The following PLA2G4D variants were observed in gnomAD, a reference collection of about 807,000 sequenced individuals.
PLA2G4D encodes phospholipase A2 group IVD.
PLA2G4D carries 80 observed loss-of-function variants against 94.4 expected under a neutral mutation model. The ratio of observed to expected loss-of-function variants is 0.85; its 90% CI spans 0.71 to 1.02. The LOEUF (loss-of-function observed/expected upper bound fraction) is 1.02. Ranked by LOEUF, PLA2G4D falls within the 50% of genes least tolerant of loss-of-function variation. PLA2G4D has a pLI of 0.00. For missense variants in PLA2G4D, 1,050 were observed against 1,034.7 expected (o/e 1.01, Z -0.20); for synonymous variants, 438 against 440.9 (o/e 0.99, Z 0.08).
At chr15:42,092,115 G>A (rs551552614) in intron 1 of PLA2G4D, among the ~76,000 whole-genome samples, 21 of 152,040 alleles carry the variant, frequency 1.4e-4, no homozygotes, top group Admixed American at 5.2e-4. Context: ...CACCGCACAC[G>A]GGGAGAGACC....
chr15:42,070,630 G>T, intron 18 of PLA2G4D, 87 bp downstream of exon 18: 2 of 1,422,794 alleles, frequency 1.4e-6, no homozygotes, highest in African/African-American at 1.4e-5. Flanking sequence ...CCCCGGCGGT[G>T]TGGGGCAGGG....
chr15:42,079,316 C>G (rs7173686), intron 13 of PLA2G4D, among the ~76,000 whole-genome samples: 13,567 of 152,332 alleles, frequency 0.089, 700 homozygotes, highest in Middle Eastern at 0.13. Flanking sequence ...TTGACATCGA[C>G]TCATTCCCAG....
chr15:42,075,476 T>G (rs986416377), intron 13 of PLA2G4D, among the ~76,000 whole-genome samples: 3 of 152,232 alleles, frequency 2.0e-5, no homozygotes, highest in Non-Finnish European at 4.4e-5. Flanking sequence ...ACATAGCACA[T>G]AGTAATAAAA....
intron 8 of PLA2G4D, among the ~76,000 whole-genome samples, chr15:42,082,839 G>A (rs1288024115): frequency 1.3e-5 from 2 of 152,162 alleles, no homozygotes; most frequent in African/African-American, 4.8e-5. Flanking sequence ...AAATGAGAGA[G>A]GAGACAAGGA....
Position 42,072,290 on chromosome 15 carries a change from T to G in PLA2G4D, c.1420A>C (p.Thr474Pro). ...SLNVKENNLETLDFKEWVEFS... is the reference protein window; with the variant it reads ...SLNVKENNLEPLDFKEWVEFS... ...AGAACTGTACCCTTGAAGTCCAGTG[T>G]CTCCAGATTGTTCTCTTTGACATTG... The change falls in exon 14 of 20, where the codon ACA (threonine) becomes CCA (proline). Residue 474 changes from threonine (T) to proline (P), a missense_variant. Coordinates refer to ENST00000290472, the MANE Select transcript of PLA2G4D (RefSeq NM_178034.4). 6.2e-7 allele frequency: 1 copy of G among 1,613,816 alleles called. No individual in the cohort carries two copies. Among genetic ancestry groups the G allele is most frequent in the Non-Finnish European group, 8.5e-7 (1 of 1,179,894 alleles).
At chr15:42,073,174 T>A (rs1416883829) in intron 13 of PLA2G4D, among the ~76,000 whole-genome samples, 1 of 152,140 alleles carries the variant, frequency 6.6e-6, no homozygotes, top group East Asian at 1.9e-4. Context: ...AATTTTTGCA[T>A]GTTTTGTAGA....
At position 42,068,917 on chromosome 15, in the gene PLA2G4D, AG is replaced by A. The variant is rs1426786780; in HGVS notation, c.2254del (p.Leu752SerfsTer20). 1 of 1,612,236 alleles carries A rather than the reference AG, an allele frequency of 6.2e-7. No individual in the cohort carries two copies. Among genetic ancestry groups the A allele is most frequent in the South Asian group, 1.1e-5 (1 of 90,848 alleles). ...APGVQRSPAE[L>X]QGGQVDLTGA... ...GGTGAGATCCACTTGGCCACCCTGG[AG>A]CTCTGCGGGGCTGCGCTGGACACCT... is the stretch of plus-strand genomic sequence containing the variant. On this transcript the variant is annotated frameshift_variant, in exon 20 of 20. Coordinates refer to ENST00000290472, the MANE Select transcript of PLA2G4D (RefSeq NM_178034.4). LOFTEE classifies it low-confidence loss of function (END_TRUNC).
chr15:42,086,087 G>A lies in PLA2G4D; in HGVS notation c.387+126C>T. ...TTATTAAAATGCAAATCTAAAAAGG[G>A]GTTTAGATTTTTCTGTGAATGAGTT... On this transcript the variant is annotated intron_variant, in intron 4 of 19. Transcript: ENST00000290472. 2.9e-6 allele frequency: 3 copies of A among 1,025,872 alleles called. No homozygotes were observed. In the East Asian group the frequency reaches 7.8e-5, roughly 27 times the overall value. 63.5% of individuals were successfully genotyped at this position (1,025,872 alleles called of 1,614,324 possible).
At chr15:42,081,867 C>A (rs772406679) in intron 9 of PLA2G4D, 33 bp from the exon 10 acceptor site, 3 of 1,613,874 alleles carry the variant, frequency 1.9e-6, no homozygotes, top group Admixed American at 3.3e-5. Flanking sequence ...TGCTCAGACC[C>A]TCCTAGACCC....
At chr15:42,081,756 G>A (rs1289807333) in intron 10 of PLA2G4D, 41 bp downstream of exon 10, 8 of 1,613,782 alleles carry the variant, frequency 5.0e-6, no homozygotes, top group Non-Finnish European at 6.8e-6. Flanking sequence ...CCTCCTGCAT[G>A]CCCGCCTCTC....
intron 18 of PLA2G4D, chr15:42,070,310 G>A: frequency 1.9e-6 from 1 of 539,658 alleles, no homozygotes; most frequent in Non-Finnish European, 3.2e-6. Context: ...GCTCTAGGTG[G>A]GGTCAGACCC....
Position 42,081,528 on chromosome 15 carries a change from T to C in PLA2G4D, c.908A>G (p.Lys303Arg), listed in dbSNP as rs566141126. The C allele has an allele frequency of 2.4e-5, 38 of 1,614,226 alleles. No homozygotes were observed. The South Asian group carries it at 3.8e-4, about 16-fold the overall frequency. The change falls in exon 11 of 20, where the codon AAG becomes AGG. Residue 303 changes from lysine (K) to arginine (R), a missense_variant. Coordinates refer to ENST00000290472, the MANE Select transcript of PLA2G4D (RefSeq NM_178034.4). ...FLSRRKQVVA[K>R]ALKQALQLDR... is the part of the protein sequence containing the mutation. ...CAGCTGCAGGGCCTGCTTCAGGGCC[T>C]TGGCCACCACCTGCTTCCTCCTGCT...
At chr15:42,086,693 A>G (rs1036451424) in intron 3 of PLA2G4D, among the ~76,000 whole-genome samples, 8 of 152,086 alleles carry the variant, frequency 5.3e-5, no homozygotes, top group African/African-American at 1.9e-4. Flanking sequence ...TCTACTAAAA[A>G]TACAACAAAT....
At chr15:42,077,913 T>C (rs1889960650) in intron 13 of PLA2G4D, among the ~76,000 whole-genome samples, 1 of 152,230 alleles carries the variant, frequency 6.6e-6, no homozygotes, top group Non-Finnish European at 1.5e-5. Flanking sequence ...GATTGGAGAC[T>C]GGCTGAAACA....
At position 42,077,032 on chromosome 15, in the gene PLA2G4D, A is replaced by C. The variant is rs141706089; in HGVS notation, c.1317+2505T>G. Among the ~76,000 whole-genome samples, 522 of 152,330 alleles carry C rather than the reference A, an allele frequency of 3.4e-3. 3 individuals carry two copies. The highest frequency in any genetic ancestry group is 0.012 in the African/African-American group (502 of 41,572). On this transcript the variant is annotated intron_variant, in intron 13 of 19. Transcript: ENST00000290472. ...ACATTCAACCTACCAAGATTGAACC[A>C]TGAAGAAACAGAAAAGCTGAACAGA...
Position 42,070,887 on chromosome 15 carries a change from G to C in PLA2G4D, c.1877-4C>G. ...GGCATGGAGTCAAGCTGGTAGTCTG[G>C]TGGGAATCGCAGGATGGTCAGAGGC... is the stretch of plus-strand genomic sequence containing the variant. On this transcript the variant is annotated splice_region_variant and splice_polypyrimidine_tract_variant and intron_variant, in intron 17 of 19. Transcript: ENST00000290472. 1 of 1,610,016 alleles carries C rather than the reference G, an allele frequency of 6.2e-7. No individual in the cohort carries two copies. The highest frequency in any genetic ancestry group is 8.5e-7 in the Non-Finnish European group (1 of 1,178,374).
chr15:42,088,334 A>G (rs1042262545), intron 1 of PLA2G4D, among the ~76,000 whole-genome samples: 6 of 152,346 alleles, frequency 3.9e-5, no homozygotes, highest in Middle Eastern at 3.4e-3. Flanking sequence ...AGGCCACATC[A>G]GCCACAGACA....
chr15:42,071,637 G>T (rs1448452852), intron 15 of PLA2G4D, 86 bp from the exon 16 acceptor site: 16 of 1,491,536 alleles, frequency 1.1e-5, no homozygotes, highest in Non-Finnish European at 1.3e-5. Context: ...GTGGGGCGAG[G>T]GCTACCCCTA....
chr15:42,093,573 G>T (rs927498047), intron 1 of PLA2G4D, among the ~76,000 whole-genome samples: 2 of 152,296 alleles, frequency 1.3e-5, no homozygotes, highest in South Asian at 4.1e-4. Context: ...CTGACCTCAG[G>T]CTGGGGCAAC....
Sources: allele counts gnomAD v4.1 joint callset (sites outside exome capture counted in the v4.1 genomes callset), GRCh38; gene constraint gnomAD v4.1.1; transcripts MANE v1.5; gene names NCBI Gene and HGNC (gene_info 2026-07-23, HGNC 2026-07-21).